SCHIP1: variants seen among roughly 807,000 people sequenced by gnomAD.
The protein encoded by SCHIP1 is schwannomin-interacting protein 1.
SCHIP1 carries 8 observed loss-of-function variants against 29.7 expected under a neutral mutation model. The observed-to-expected ratio is 0.27, with a 90% CI of 0.16 to 0.49. The LOEUF is 0.49. SCHIP1 is among the 20% of genes least tolerant of loss of function. The pLI is 0.99. For synonymous variants in SCHIP1, 76 were observed against 94.9 expected, an observed-to-expected ratio of 0.80 and a Z score of 1.16; for missense variants, 193 against 294.6, an observed-to-expected ratio of 0.66 and a Z score of 2.52.
At chr3:159,538,651 G>C in the SCHIP1 span, among the ~76,000 whole-genome samples, 3 of 152,102 alleles carry the variant, frequency 2.0e-5, no homozygotes, top group Non-Finnish European at 2.9e-5. Flanking sequence ...GCCTGAGGTA[G>C]TTAAGTTTTA....
chr3:159,281,973 C>T, the SCHIP1 span, among the ~76,000 whole-genome samples: 1 of 151,928 alleles, frequency 6.6e-6, no homozygotes. Flanking sequence ...CAACATTTTT[C>T]ACTGTGCTTT....
the SCHIP1 span, among the ~76,000 whole-genome samples, chr3:159,781,547 A>G: frequency 6.6e-6 from 1 of 152,234 alleles, no homozygotes; most frequent in East Asian, 1.9e-4. Context: ...GATGTCTGCC[A>G]AGAATTTTCT....
At chr3:159,432,337 TGTGA>T in the SCHIP1 span, among the ~76,000 whole-genome samples, 126 of 70,594 alleles carry the variant, frequency 1.8e-3, 1 homozygote, top group South Asian at 2.3e-3. Flanking sequence ...TGTGTGTGTG[TGTGA>T]GAGAGAGAGA....
At chr3:159,576,460 A>G in the SCHIP1 span, among the ~76,000 whole-genome samples, 1 of 151,952 alleles carries the variant, frequency 6.6e-6, no homozygotes, top group Non-Finnish European at 1.5e-5. Context: ...TTACCCTTTA[A>G]TGTATCTACC....
the SCHIP1 span, chr3:159,764,832 C>T: frequency 2.5e-6 from 4 of 1,590,334 alleles, no homozygotes; most frequent in African/African-American, 1.4e-5. The surrounding 1 kb of genome is among the most constrained non-coding windows in gnomAD (Gnocchi z 6.1). Flanking sequence ...CCAACGGCAA[C>T]CTCCACCAGC....
the SCHIP1 span, among the ~76,000 whole-genome samples, chr3:159,296,590 A>T: frequency 2.0e-5 from 3 of 152,130 alleles, no homozygotes; most frequent in African/African-American, 7.2e-5. Flanking sequence ...CCTGGCCAAC[A>T]TGGCGAAACC....
At chr3:159,807,471 A>C in the SCHIP1 span, among the ~76,000 whole-genome samples, 1 of 152,194 alleles carries the variant, frequency 6.6e-6, no homozygotes, top group East Asian at 1.9e-4. Flanking sequence ...TAAAAAGATT[A>C]GCTGTTAGGA....
intron 1 of SCHIP1, among the ~76,000 whole-genome samples, chr3:159,863,621 A>G (rs1490142482): frequency 1.3e-5 from 2 of 152,226 alleles, no homozygotes; most frequent in Non-Finnish European, 2.9e-5. Flanking sequence ...AAAAACTAGG[A>G]GGAAATATAC....
the SCHIP1 span, among the ~76,000 whole-genome samples, chr3:159,681,878 G>C: frequency 6.6e-6 from 1 of 151,620 alleles, no homozygotes; most frequent in East Asian, 1.9e-4. Flanking sequence ...TTAACTCAAC[G>C]TTAACTTAGG....
chr3:159,593,562 A>G, the SCHIP1 span, among the ~76,000 whole-genome samples: 1 of 152,140 alleles, frequency 6.6e-6, no homozygotes, highest in South Asian at 2.1e-4. Flanking sequence ...CCTTCTGGTG[A>G]GAGATAGTGG....
At chr3:159,865,268 A>T (rs1714496135) in intron 1 of SCHIP1, among the ~76,000 whole-genome samples, 1 of 152,154 alleles carries the variant, frequency 6.6e-6, no homozygotes, top group Non-Finnish European at 1.5e-5. Flanking sequence ...TTTTTGACTC[A>T]TGTTGTTTGT....
At chr3:159,617,998 CAGAA>C in the SCHIP1 span, among the ~76,000 whole-genome samples, 28 of 151,690 alleles carry the variant, frequency 1.8e-4, no homozygotes, top group African/African-American at 6.3e-4. Context: ...ATGTGAAAAA[CAGAA>C]AAAAAAATTT....
the SCHIP1 span, among the ~76,000 whole-genome samples, chr3:159,620,159 C>G: frequency 6.6e-6 from 1 of 152,178 alleles, no homozygotes; most frequent in Non-Finnish European, 1.5e-5. Context: ...TGCTTGCTCC[C>G]TGCCTTGCAG....
At chr3:159,645,741 C>A in the SCHIP1 span, among the ~76,000 whole-genome samples, 1 of 151,964 alleles carries the variant, frequency 6.6e-6, no homozygotes, top group Admixed American at 6.6e-5. Context: ...TAGAGAAATA[C>A]CACTGAGCAA....
the SCHIP1 span, among the ~76,000 whole-genome samples, chr3:159,431,608 T>G: frequency 6.6e-6 from 1 of 150,892 alleles, no homozygotes; most frequent in Non-Finnish European, 1.5e-5. Context: ...TGAAAAGGAG[T>G]AGGTATCCTG....
chr3:159,700,810 A>G, the SCHIP1 span, among the ~76,000 whole-genome samples: 1 of 150,882 alleles, frequency 6.6e-6, no homozygotes, highest in African/African-American at 2.5e-5. Context: ...TGAGAATCCA[A>G]CTCAAAAAAA....
rs867538792 is a variant in SCHIP1 at position 159,864,607 on chromosome 3, G to A, written c.31-1556G>A. ...CAGAGATAATCACTAAGTGTGTACA[G>A]TAGAAAGAATGCTTATGGTGTCCAA... On this transcript the variant is annotated intron_variant, in intron 1 of 6. Coordinates refer to ENST00000445224, the Ensembl canonical transcript of SCHIP1. 2.0e-5 allele frequency among the ~76,000 whole-genome samples: 3 copies of A among 151,992 alleles called. No homozygotes were observed. In the South Asian group the frequency reaches 6.2e-4, roughly 32 times the overall value.
At chr3:159,856,676 C>G in intron 1 of SCHIP1, among the ~76,000 whole-genome samples, 1 of 152,330 alleles carries the variant, frequency 6.6e-6, no homozygotes, top group African/African-American at 2.4e-5. Flanking sequence ...GGGCCAGCCG[C>G]TCGCTTCGCT....
chr3:159,390,375 C>T, the SCHIP1 span, among the ~76,000 whole-genome samples: 1 of 151,988 alleles, frequency 6.6e-6, no homozygotes, highest in South Asian at 2.1e-4. Flanking sequence ...TTTAGTGATA[C>T]TGTTGAACTC....
Sources: allele counts gnomAD v4.1 joint callset (sites outside exome capture counted in the v4.1 genomes callset), GRCh38; gene constraint gnomAD v4.1.1; non-coding constraint Gnocchi (gnomAD v3.1); transcripts MANE v1.5; gene names NCBI Gene and HGNC (gene_info 2026-07-23, HGNC 2026-07-21).